Variants in STARD7 observed in about 807,000 individuals in gnomAD.
The protein encoded by STARD7 is StAR related lipid transfer domain containing 7.
STARD7 carries 30 observed loss-of-function variants against 45.3 expected under a neutral mutation model. The observed-to-expected ratio is 0.66, with a 90% CI of 0.50 to 0.90. STARD7 has a LOEUF of 0.90. Among genes scored for constraint, STARD7 ranks in the 40% least tolerant of loss-of-function variants. The probability of loss-of-function intolerance (pLI) is 0.00; values close to 1 mark genes in which losing one functional copy is unlikely to be tolerated. For missense variants in STARD7, 495 were observed against 491.3 expected (o/e 1.01, Z -0.07); for synonymous variants, 199 against 183.0 (o/e 1.09, Z -0.70).
Position 96,208,597 on chromosome 2 carries a change from A to G in STARD7, c.-163T>C. ...TCATCTGTCTCTGCAGCCACCGCTG[A>G]GGAAGAGTCTCCTCTGAGGGGAGAG... On this transcript the variant is annotated 5_prime_UTR_variant, in exon 1 of 8. Coordinates refer to ENST00000337288, the MANE Select transcript of STARD7 (RefSeq NM_020151.4). 1.8e-6 allele frequency: 1 copy of G among 560,230 alleles called. No individual in the cohort carries two copies. The allele number at this position is 560,230 out of a possible 1,614,324, so 34.7% of individuals were successfully genotyped here.
intron 1 of STARD7, among the ~76,000 whole-genome samples, chr2:96,207,536 A>G (rs756579069): frequency 7.9e-5 from 12 of 152,230 alleles, no homozygotes; most frequent in Non-Finnish European, 1.5e-4. Flanking sequence ...GCATGACTTC[A>G]GAGTCTAATG....
In STARD7 at chr2:96,193,288, TC is replaced by T; in HGVS notation, c.613del (p.Asp205MetfsTer12). ...AAGAACCTCGGAACCACTAACCACATCCCTCTCAATCACCTCCAGCTTGATT... is the reference window on the plus strand; with the variant it reads ...AAGAACCTCGGAACCACTAACCACATCCTCTCAATCACCTCCAGCTTGATT... ...LVIKLEVIER[D>X]VVSGSEVLHW... On this transcript the variant is annotated frameshift_variant, in exon 4 of 8. Coordinates refer to ENST00000337288, the MANE Select transcript of STARD7 (RefSeq NM_020151.4). LOFTEE classifies it high-confidence loss of function. 1 of 1,613,878 alleles carries T rather than the reference TC, an allele frequency of 6.2e-7. No homozygotes were observed. Among genetic ancestry groups the T allele is most frequent in the Non-Finnish European group, 8.5e-7 (1 of 1,179,828 alleles).
intron 1 of STARD7, among the ~76,000 whole-genome samples, chr2:96,201,613 G>A (rs570081385): frequency 1.5e-4 from 22 of 150,112 alleles, no homozygotes; most frequent in Non-Finnish European, 2.2e-4. Flanking sequence ...CAGGTGCAAC[G>A]GCTCACACCT....
At chr2:96,195,825 T>G (rs760150843) in intron 1 of STARD7, among the ~76,000 whole-genome samples, 1 of 152,012 alleles carries the variant, frequency 6.6e-6, no homozygotes, top group African/African-American at 2.4e-5. Flanking sequence ...GATTACAAAG[T>G]GTCAAGTGCT....
Position 96,186,485 on chromosome 2 carries a change from G to A in STARD7, c.*245C>T. ...GGTTTGTTCCAGATTAGCTCAGTGA[G>A]ATACCGAATTTCAAAACAGTTGGCC... On this transcript the variant is annotated 3_prime_UTR_variant, in exon 8 of 8. Coordinates refer to ENST00000337288, the MANE Select transcript of STARD7 (RefSeq NM_020151.4). 2 of 374,364 alleles carry A rather than the reference G, an allele frequency of 5.3e-6. No homozygotes were observed. The highest frequency in any genetic ancestry group is 9.5e-6 in the Non-Finnish European group (2 of 209,598). The allele number at this position is 374,364 out of a possible 1,614,324, so 23.2% of individuals were successfully genotyped here.
chr2:96,196,938 T>C (rs1683219854), intron 1 of STARD7, among the ~76,000 whole-genome samples: 1 of 151,100 alleles, frequency 6.6e-6, no homozygotes, highest in Admixed American at 6.6e-5. Flanking sequence ...CGGTGGCACA[T>C]ACCTGTAATC....
At position 96,185,927 on chromosome 2, in the gene STARD7, G is replaced by C. The variant is rs1301569268; in HGVS notation, c.*803C>G. 1 of 152,120 alleles carries C rather than the reference G, an allele frequency of 6.6e-6. No individual in the cohort carries two copies. The highest frequency in any genetic ancestry group is 2.4e-5 in the African/African-American group (1 of 41,412). 9.4% of individuals were successfully genotyped at this position (152,120 alleles called of 1,614,324 possible). On this transcript the variant is annotated 3_prime_UTR_variant, in exon 8 of 8. Transcript: ENST00000337288. ...GCATCAAAAAGCTACTATCTAAAAG[G>C]ATTAGTCTCCCAGTGTTCTTGGTAA...
In STARD7 at chr2:96,193,316, C is replaced by T; in HGVS notation, c.586G>A (p.Val196Ile). 6.2e-7 allele frequency: 1 copy of T among 1,613,816 alleles called. No individual in the cohort carries two copies. Among genetic ancestry groups the T allele is most frequent in the Non-Finnish European group, 8.5e-7 (1 of 1,179,734 alleles). The stretch of plus-strand genomic sequence containing the variant: ...CTCTCAATCACCTCCAGCTTGATTA[C>T]CAGGGCATCCCATTTTTTTCTATAC... ...TEYRKKWDAL[V>I]IKLEVIERDV... The change falls in exon 4 of 8, where the codon GTA (valine) becomes ATA (isoleucine). Residue 196 changes from valine (V) to isoleucine (I), a missense_variant. Coordinates refer to ENST00000337288, the MANE Select transcript of STARD7 (RefSeq NM_020151.4).
At chr2:96,189,926 A>G (rs1683100465) in intron 6 of STARD7, among the ~76,000 whole-genome samples, 1 of 152,128 alleles carries the variant, frequency 6.6e-6, no homozygotes, top group African/African-American at 2.4e-5. Flanking sequence ...AAAACTCCAT[A>G]GTCCTGAATT....
At chr2:96,202,872 T>A (rs1683328365) in intron 1 of STARD7, among the ~76,000 whole-genome samples, 1 of 152,246 alleles carries the variant, frequency 6.6e-6, no homozygotes, top group Admixed American at 6.5e-5. Flanking sequence ...AATTATTAAC[T>A]ATAGGCAACA....
chr2:96,192,207 G>C (rs1164373552), intron 6 of STARD7, among the ~76,000 whole-genome samples, 162 bp downstream of exon 6: 6 of 152,124 alleles, frequency 3.9e-5, no homozygotes, highest in Admixed American at 3.3e-4. Flanking sequence ...CATCACCTAC[G>C]TCAGGAGTTC....
At chr2:96,191,651 CTTTT>C (rs1025835770) in intron 6 of STARD7, among the ~76,000 whole-genome samples, 1 of 146,432 alleles carries the variant, frequency 6.8e-6, no homozygotes, top group African/African-American at 2.6e-5. Flanking sequence ...ATCCAGTGTA[CTTTT>C]TTTTTTGTTT....
intron 6 of STARD7, among the ~76,000 whole-genome samples, chr2:96,189,082 A>G (rs969190084): frequency 6.6e-6 from 1 of 151,784 alleles, no homozygotes; most frequent in Non-Finnish European, 1.5e-5. Context: ...CCTGTGTAGC[A>G]GGGACTACAG....
At chr2:96,196,883 G>T (rs981073751) in intron 1 of STARD7, among the ~76,000 whole-genome samples, 1 of 150,356 alleles carries the variant, frequency 6.7e-6, no homozygotes, top group Non-Finnish European at 1.5e-5. Flanking sequence ...CCTAACCAAC[G>T]TGGAGAAACC....
intron 1 of STARD7, 86 bp from the exon 2 acceptor site, chr2:96,195,635 T>C (rs1229680242): frequency 3.9e-6 from 4 of 1,031,082 alleles, no homozygotes; most frequent in African/African-American, 1.6e-5. Flanking sequence ...GCAAGAAGGT[T>C]ATACAGTAAA....
At chr2:96,191,062 G>C (rs1683118722) in intron 6 of STARD7, among the ~76,000 whole-genome samples, 1 of 152,166 alleles carries the variant, frequency 6.6e-6, no homozygotes, top group Admixed American at 6.5e-5. Context: ...CTCCTCAGGA[G>C]GCTGAGGCAG....
chr2:96,196,115 A>G (rs200810247), intron 1 of STARD7, among the ~76,000 whole-genome samples: 1 of 100,182 alleles, frequency 1.0e-5, no homozygotes, highest in Non-Finnish European at 2.2e-5. Context: ...TCTTGTCTCA[A>G]AAAAAAAAAA....
chr2:96,204,550 G>C (rs1181173246), intron 1 of STARD7, among the ~76,000 whole-genome samples: 1 of 152,122 alleles, frequency 6.6e-6, no homozygotes, highest in Admixed American at 6.5e-5. Context: ...GTGAGACTCT[G>C]TCCCGGAAGG....
At chr2:96,199,661 C>A (rs554399150) in intron 1 of STARD7, among the ~76,000 whole-genome samples, 2 of 152,264 alleles carry the variant, frequency 1.3e-5, no homozygotes, top group Admixed American at 1.3e-4. Context: ...CCTTATGTTG[C>A]CTGATTTCAT....
Sources: allele counts gnomAD v4.1 joint callset (sites outside exome capture counted in the v4.1 genomes callset), GRCh38; gene constraint gnomAD v4.1.1; transcripts MANE v1.5; gene names NCBI Gene and HGNC (gene_info 2026-07-23, HGNC 2026-07-21).